CCDC69: variants seen among roughly 807,000 people sequenced by gnomAD.
CCDC69 encodes coiled-coil domain containing 69.
CCDC69 carries 38 observed loss-of-function variants against 40.3 expected under a neutral mutation model. The observed-to-expected ratio is 0.94, with a 90% CI of 0.73 to 1.24. The LOEUF is 1.24. Ranked by LOEUF, CCDC69 falls within the 50% of genes most tolerant of loss-of-function variation. CCDC69 has a pLI of 0.00. For synonymous variants in CCDC69, 141 were observed against 138.9 expected (o/e 1.02, Z -0.11); for missense variants, 389 against 357.9 (o/e 1.09, Z -0.70).
At chr5:151,201,089 GGGATTATCCA>G (rs1449451534) in intron 3 of CCDC69, among the ~76,000 whole-genome samples, 2 of 152,182 alleles carry the variant, frequency 1.3e-5, no homozygotes, top group Admixed American at 6.5e-5. Flanking sequence ...TCTGCTGCCA[GGGATTATCCA>G]GGATTATCCA....
intron 2 of CCDC69, among the ~76,000 whole-genome samples, chr5:151,202,900 T>C (rs1582045618): frequency 6.6e-6 from 1 of 152,082 alleles, no homozygotes; most frequent in Admixed American, 6.6e-5. Context: ...GCTGAGATGA[T>C]TAAATCAGGA....
rs1211168167 is a variant in CCDC69 at position 151,201,677 on chromosome 5, G to A, written c.136C>T (p.Gln46Ter). The A allele has an allele frequency of 1.2e-6, 2 of 1,609,096 alleles. No homozygotes were observed. The highest frequency in any genetic ancestry group is 2.7e-5 in the African/African-American group (2 of 74,542). The stretch of plus-strand genomic sequence containing the variant: ...TCAGCCTCCTCTGATGCACAGAGCT[G>A]GACAGTTATAGCTAGAGATGAAAAA... ...PLNGDTAITV[Q>*]LCASEEAERH... Residue 46 changes from glutamine (Q) to a stop codon, truncating the protein, a stop_gained, in exon 3 of 9, where the codon CAG becomes TAG. Transcript: ENST00000355417. LOFTEE classifies it high-confidence loss of function.
At chr5:151,200,369 C>T (rs1055389346) in intron 3 of CCDC69, among the ~76,000 whole-genome samples, 2 of 152,150 alleles carry the variant, frequency 1.3e-5, no homozygotes, top group Non-Finnish European at 2.9e-5. Flanking sequence ...GAACTCCTGA[C>T]GTCAGGTGAT....
At chr5:151,210,273 G>C (rs1422595323) in intron 1 of CCDC69, among the ~76,000 whole-genome samples, 2 of 152,156 alleles carry the variant, frequency 1.3e-5, no homozygotes, top group Admixed American at 1.3e-4. Context: ...GCCAGGTGCG[G>C]TGGCTCATGC....
intron 1 of CCDC69, among the ~76,000 whole-genome samples, chr5:151,209,936 T>C (rs1752906968): frequency 6.6e-6 from 1 of 152,172 alleles, no homozygotes; most frequent in South Asian, 2.1e-4. Flanking sequence ...AAAGTACTAG[T>C]AGGCATTTGT....
At chr5:151,187,539 TC>T in intron 4 of CCDC69, 80 bp from the exon 5 acceptor site, 1 of 1,173,870 alleles carries the variant, frequency 8.5e-7, no homozygotes, top group Non-Finnish European at 1.3e-6. Context: ...GCCAGGAAGG[TC>T]CAGATATTTA....
At chr5:151,220,443 G>C (rs1753117127) in intron 1 of CCDC69, among the ~76,000 whole-genome samples, 1 of 152,210 alleles carries the variant, frequency 6.6e-6, no homozygotes, top group Non-Finnish European at 1.5e-5. Context: ...CCAGAGCCCG[G>C]TGTGGTCGAC....
At chr5:151,206,243 G>A (rs1752851877) in intron 1 of CCDC69, among the ~76,000 whole-genome samples, 1 of 152,186 alleles carries the variant, frequency 6.6e-6, no homozygotes, top group Non-Finnish European at 1.5e-5. Flanking sequence ...ATAGGACAAG[G>A]TATGGGAGAA....
chr5:151,208,149 G>C (rs111595999), intron 1 of CCDC69, among the ~76,000 whole-genome samples: 20,166 of 152,116 alleles, frequency 0.13, 1,477 homozygotes, highest in Middle Eastern at 0.23. Context: ...TACTCAGGAG[G>C]CTGAGGCATG....
At chr5:151,193,644 A>G (rs930700851) in intron 4 of CCDC69, among the ~76,000 whole-genome samples, 8 of 152,222 alleles carry the variant, frequency 5.3e-5, no homozygotes, top group Non-Finnish European at 8.8e-5. Context: ...TAAAACCATA[A>G]GGCTTTGGAA....
In CCDC69 at chr5:151,181,393, T is replaced by C. The variant is rs985875878; in HGVS notation, c.*2044A>G. ...CACCACGCCAAGCTAATTTTTTGTA[T>C]TTTTTTAGTAGAGACAGGGTTTCAC... On this transcript the variant is annotated 3_prime_UTR_variant, in exon 9 of 9. Coordinates refer to ENST00000355417, the MANE Select transcript of CCDC69 (RefSeq NM_015621.3). 2 of 152,058 alleles carry C rather than the reference T, an allele frequency of 1.3e-5. No individual in the cohort carries two copies. Among genetic ancestry groups the C allele is most frequent in the Admixed American group, 6.6e-5 (1 of 15,258 alleles). The allele number at this position is 152,058 out of a possible 1,614,324, so 9.4% of individuals were successfully genotyped here.
intron 8 of CCDC69, 27 bp from the exon 9 acceptor site, chr5:151,183,641 T>C: frequency 6.3e-7 from 1 of 1,580,452 alleles, no homozygotes; most frequent in Non-Finnish European, 8.6e-7. Flanking sequence ...AGCCCAGGGT[T>C]GCCTACTGGG....
rs1289598917 is a variant in CCDC69 at position 151,214,449 on chromosome 5, A to G, written c.49-8974T>C. On this transcript the variant is annotated intron_variant, in intron 1 of 8. Coordinates refer to ENST00000355417, the MANE Select transcript of CCDC69 (RefSeq NM_015621.3). The stretch of plus-strand genomic sequence containing the variant: ...ATTACAGAAGCTCAGACAGAACACC[A>G]TAAATACAGGCCTTAGCCTCCCCAT... Among the ~76,000 whole-genome samples, 4 of 152,354 alleles carry G rather than the reference A, an allele frequency of 2.6e-5. No homozygotes were observed. The East Asian group carries it at 7.7e-4, about 29-fold the overall frequency.
chr5:151,216,940 T>G (rs774242719), intron 1 of CCDC69, among the ~76,000 whole-genome samples: 7 of 151,956 alleles, frequency 4.6e-5, no homozygotes, highest in African/African-American at 1.7e-4. Context: ...GACGTGTGTG[T>G]GGGGTGCGGG....
chr5:151,188,798 T>TGTAGG (rs1240486096), intron 4 of CCDC69, among the ~76,000 whole-genome samples: 4 of 152,156 alleles, frequency 2.6e-5, no homozygotes, highest in Admixed American at 1.3e-4. Flanking sequence ...TGGTTTCAGG[T>TGTAGG]AAGATGAAGG....
Position 151,210,457 on chromosome 5 carries a change from T to C in CCDC69, c.49-4982A>G, listed in dbSNP as rs533664374. On this transcript the variant is annotated intron_variant, in intron 1 of 8. Coordinates refer to ENST00000355417, the MANE Select transcript of CCDC69 (RefSeq NM_015621.3). ...TACTTGGGAAGCTGAGGCAGGAGAA[T>C]TGCTTGAACCCAGGAGGTGGAGGTT... Among the ~76,000 whole-genome samples, 5 of 152,040 alleles carry C rather than the reference T, an allele frequency of 3.3e-5. No homozygotes were observed. The East Asian group carries it at 9.7e-4, about 29-fold the overall frequency.
intron 1 of CCDC69, among the ~76,000 whole-genome samples, chr5:151,206,863 C>T (rs1379120738): frequency 6.6e-6 from 1 of 151,922 alleles, no homozygotes; most frequent in Non-Finnish European, 1.5e-5. Flanking sequence ...ATCTCCTGAC[C>T]TTGTGATCTA....
chr5:151,199,034 T>G lies in CCDC69; in HGVS notation c.282A>C (p.Gln94His). The change falls in exon 4 of 9, where the codon CAA becomes CAC. Residue 94 changes from glutamine to histidine, a missense_variant. By Grantham distance (24) the Gln-to-His change is conservative. Coordinates refer to ENST00000355417, the MANE Select transcript of CCDC69 (RefSeq NM_015621.3). ...LELRDRLDEQ[Q>H]RVLEGKNEEA... ...CTTCATTCTTTCCTTCCAGGACCCT[T>G]TGCTGCTCATCCAGTCTGTCTCGAA... The G allele has an allele frequency of 1.2e-6, 2 of 1,614,130 alleles. No homozygotes were observed. The highest frequency in any genetic ancestry group is 1.7e-6 in the Non-Finnish European group (2 of 1,180,002).
chr5:151,208,569 G>A (rs941062211), intron 1 of CCDC69, among the ~76,000 whole-genome samples: 5 of 152,240 alleles, frequency 3.3e-5, no homozygotes, highest in African/African-American at 1.2e-4. Context: ...CCACCCTGGT[G>A]AAGACTCAAT....
Sources: allele counts gnomAD v4.1 joint callset (sites outside exome capture counted in the v4.1 genomes callset), GRCh38; gene constraint gnomAD v4.1.1; transcripts MANE v1.5; gene names NCBI Gene and HGNC (gene_info 2026-07-23, HGNC 2026-07-21).